The following TMEM108 variants were observed in gnomAD, a reference collection of about 807,000 sequenced individuals.
TMEM108 encodes cancer/testis antigen 124.
A neutral mutation model predicts 35.1 loss-of-function variants in TMEM108; 12 were observed. That is an observed-to-expected ratio of 0.34 (90% CI 0.22 to 0.55). The LOEUF (loss-of-function observed/expected upper bound fraction) is 0.55. TMEM108 is among the 20% of genes least tolerant of loss of function. The pLI is 0.89. For synonymous variants in TMEM108, 287 were observed against 308.6 expected, an observed-to-expected ratio of 0.93 and a Z score of 0.73; for missense variants, 680 against 753.3, an observed-to-expected ratio of 0.90 and a Z score of 1.14.
chr3:133,196,632 G>C (rs905673098), intron 2 of TMEM108, among the ~76,000 whole-genome samples: 6 of 152,330 alleles, frequency 3.9e-5, no homozygotes, highest in African/African-American at 1.4e-4. Flanking sequence ...ATTCAGCAGT[G>C]TCAGAGAAAC....
chr3:133,299,757 AACAC>A (rs1000277215), intron 3 of TMEM108, among the ~76,000 whole-genome samples: 5 of 152,126 alleles, frequency 3.3e-5, no homozygotes, highest in African/African-American at 9.6e-5. Flanking sequence ...TCTTCAACCC[AACAC>A]ACACACACTC....
intron 2 of TMEM108, among the ~76,000 whole-genome samples, chr3:133,172,436 A>G (rs1450055): frequency 0.34 from 51,932 of 152,116 alleles, 9,041 homozygotes; most frequent in South Asian, 0.4. Context: ...CATGGTAGGT[A>G]CCATTTGGCT....
intron 3 of TMEM108, among the ~76,000 whole-genome samples, chr3:133,283,014 A>G (rs1946936823): frequency 1.3e-5 from 2 of 152,248 alleles, no homozygotes; most frequent in South Asian, 4.1e-4. Flanking sequence ...AAGAAAACTC[A>G]GGAAGGTCAC....
intron 3 of TMEM108, among the ~76,000 whole-genome samples, chr3:133,323,683 T>C (rs746238492): frequency 2.6e-5 from 4 of 152,096 alleles, no homozygotes; most frequent in Non-Finnish European, 5.9e-5. Flanking sequence ...AATCCTAAAA[T>C]TCATATGGAA....
At chr3:133,227,148 T>G (rs1185167844) in intron 2 of TMEM108, among the ~76,000 whole-genome samples, 1 of 151,320 alleles carries the variant, frequency 6.6e-6, no homozygotes, top group African/African-American at 2.4e-5. Flanking sequence ...GAAGAAAATA[T>G]GCGCAAGTAT....
chr3:133,233,959 G>A (rs974317872), intron 3 of TMEM108, among the ~76,000 whole-genome samples: 39 of 151,048 alleles, frequency 2.6e-4, no homozygotes, highest in Non-Finnish European at 3.9e-4. Context: ...CAGATGAGTA[G>A]GTTGTGAAAA....
rs2073316470 is a variant in TMEM108 at position 133,397,104 on chromosome 3, G to C, written c.*1118G>C. ...CCACTGCTCCCCTTGTTCCCGGCCGGCTGGCTGCCTCCCCGTGCTGTGTCC... is the reference window on the plus strand; with the variant it reads ...CCACTGCTCCCCTTGTTCCCGGCCGCCTGGCTGCCTCCCCGTGCTGTGTCC... On this transcript the variant is annotated 3_prime_UTR_variant, in exon 6 of 6. Coordinates refer to ENST00000321871, the MANE Select transcript of TMEM108 (RefSeq NM_023943.4). 1 of 152,152 alleles carries C rather than the reference G, an allele frequency of 6.6e-6. No individual in the cohort carries two copies. Among genetic ancestry groups the C allele is most frequent in the Non-Finnish European group, 1.5e-5 (1 of 68,032 alleles). 9.4% of individuals were successfully genotyped at this position (152,152 alleles called of 1,614,324 possible).
At chr3:133,370,445 C>T (rs2072625754) in intron 3 of TMEM108, among the ~76,000 whole-genome samples, 1 of 152,190 alleles carries the variant, frequency 6.6e-6, no homozygotes, top group South Asian at 2.1e-4. Flanking sequence ...GTCATCATGA[C>T]ATTATCACTG....
chr3:133,263,045 C>T (rs1946646257), intron 3 of TMEM108, among the ~76,000 whole-genome samples: 1 of 152,158 alleles, frequency 6.6e-6, no homozygotes, highest in African/African-American at 2.4e-5. Context: ...GGGTTTGTAA[C>T]ACTTTGTAAA....
intron 2 of TMEM108, among the ~76,000 whole-genome samples, chr3:133,085,867 A>AT (rs1943875836): frequency 1.3e-5 from 2 of 152,118 alleles, no homozygotes. Context: ...ACCATTTGAG[A>AT]TTTTTAAAAA....
intron 3 of TMEM108, among the ~76,000 whole-genome samples, chr3:133,273,874 C>T (rs551582786): frequency 3.3e-5 from 5 of 152,220 alleles, no homozygotes; most frequent in African/African-American, 9.6e-5. Flanking sequence ...TAGGGTCAGG[C>T]GTAACAGTCA....
intron 3 of TMEM108, among the ~76,000 whole-genome samples, chr3:133,303,609 T>C (rs1947261851): frequency 6.6e-6 from 1 of 152,160 alleles, no homozygotes; most frequent in Non-Finnish European, 1.5e-5. Flanking sequence ...ATGAATTATG[T>C]TATCTTAATG....
In TMEM108 at chr3:133,092,578, C is replaced by T. The variant is rs547004674; in HGVS notation, c.-47+46558C>T. On this transcript the variant is annotated intron_variant, in intron 2 of 5. Coordinates refer to ENST00000321871, the MANE Select transcript of TMEM108 (RefSeq NM_023943.4). ...CTGTTTTTAGAAGACATGGTTTTTA[C>T]GTAGTGTGATCGTAGGTTGTACTCT... Among the ~76,000 whole-genome samples, 26 of 152,136 alleles carry T rather than the reference C, an allele frequency of 1.7e-4. No homozygotes were observed. The South Asian group carries it at 2.5e-3, about 15-fold the overall frequency.
At chr3:133,176,903 A>G (rs1945239896) in intron 2 of TMEM108, among the ~76,000 whole-genome samples, 1 of 152,148 alleles carries the variant, frequency 6.6e-6, no homozygotes, top group Non-Finnish European at 1.5e-5. Flanking sequence ...GATCAACAAA[A>G]TTGATAGACC....
At chr3:133,237,398 A>G (rs1053885650) in intron 3 of TMEM108, among the ~76,000 whole-genome samples, 3 of 143,716 alleles carry the variant, frequency 2.1e-5, no homozygotes, top group East Asian at 1.9e-4. Context: ...ACAGCTTTCT[A>G]TGTTCTTTCT....
chr3:133,199,941 T>C (rs1331834968), intron 2 of TMEM108, among the ~76,000 whole-genome samples: 2 of 152,128 alleles, frequency 1.3e-5, no homozygotes, highest in Non-Finnish European at 2.9e-5. Flanking sequence ...GGCTGCTTTG[T>C]TTACCTACTC....
At chr3:133,297,964 C>T (rs1278478278) in intron 3 of TMEM108, among the ~76,000 whole-genome samples, 1 of 152,176 alleles carries the variant, frequency 6.6e-6, no homozygotes, top group Non-Finnish European at 1.5e-5. Context: ...GCACAAGTCC[C>T]TGACAAATGA....
intron 2 of TMEM108, among the ~76,000 whole-genome samples, chr3:133,100,105 G>C (rs1476138118): frequency 6.6e-6 from 1 of 152,180 alleles, no homozygotes; most frequent in African/African-American, 2.4e-5. Context: ...ATCATGGCGG[G>C]AGGTGAAAGG....
intron 3 of TMEM108, among the ~76,000 whole-genome samples, chr3:133,324,427 A>G (rs1317626432): frequency 6.6e-6 from 1 of 152,208 alleles, no homozygotes; most frequent in Non-Finnish European, 1.5e-5. Context: ...AATATTCAAC[A>G]TCACTAATTA....
Sources: gnomAD v4.1 joint callset for allele counts (sites outside exome capture counted in the v4.1 genomes callset) on GRCh38, gnomAD v4.1.1 for gene constraint, MANE v1.5 for transcripts, NCBI Gene and HGNC (gene_info 2026-07-23, HGNC 2026-07-21) for gene names.